The following HELQ variants were observed in gnomAD, a reference collection of about 807,000 sequenced individuals.
HELQ encodes helicase, POLQ like, also known as helicase POLQ-like.
Under a neutral mutation model 111.6 loss-of-function variants are expected in HELQ, and 77 were observed. The ratio of observed to expected loss-of-function variants is 0.69; its 90% CI spans 0.57 to 0.83. The LOEUF is 0.83. Ranked by LOEUF, HELQ falls within the 40% of genes least tolerant of loss-of-function variation. The probability of loss-of-function intolerance (pLI) is 0.00; values close to 1 mark genes in which losing one functional copy is unlikely to be tolerated. For synonymous variants in HELQ, 438 were observed against 454.7 expected (o/e 0.96, Z 0.47); for missense variants, 1,200 against 1,288.5 (o/e 0.93, Z 1.05).
intron 1 of HELQ, among the ~76,000 whole-genome samples, chr4:83,454,404 ATT>A (rs1721611978): frequency 6.6e-6 from 1 of 151,884 alleles, no homozygotes; most frequent in African/African-American, 2.4e-5. Flanking sequence ...TGATACTGAG[ATT>A]CTAATTTTTG....
chr4:83,451,653 G>A (rs1005556754), intron 2 of HELQ, among the ~76,000 whole-genome samples: 9 of 149,532 alleles, frequency 6.0e-5, no homozygotes, highest in Non-Finnish European at 8.8e-5. Context: ...CAACACGCGA[G>A]ACTCCGTCTC....
intron 15 of HELQ, 60 bp from the exon 16 acceptor site, chr4:83,418,266 T>G (rs1739467463): frequency 1.0e-6 from 1 of 966,700 alleles, no homozygotes; most frequent in South Asian, 1.6e-5. Context: ...AAAGTTTGGT[T>G]TGTGTGATAG....
rs775805040 is a variant in HELQ at position 83,455,723 on chromosome 4, C to T, written c.-30G>A. ...AGGACCCAGGGCCCTATTCAGACGT[C>T]GTTCTCAGTGACCCAGACGCTAAGC... On this transcript the variant is annotated 5_prime_UTR_variant, in exon 1 of 18. Coordinates refer to ENST00000295488, the MANE Select transcript of HELQ (RefSeq NM_133636.5). 3.9e-6 allele frequency: 6 copies of T among 1,554,090 alleles called. No homozygotes were observed. The Admixed American group carries it at 1.0e-4, about 27-fold the overall frequency.
intron 14 of HELQ, 35 bp downstream of exon 14, chr4:83,425,959 A>G: frequency 9.0e-7 from 1 of 1,113,014 alleles, no homozygotes; most frequent in Non-Finnish European, 1.4e-6. Context: ...TGTTGAGTGA[A>G]CTTATTATTT....
intron 13 of HELQ, 65 bp from the exon 14 acceptor site, chr4:83,426,157 ATT>A (rs1470651926): frequency 1.3e-6 from 1 of 775,670 alleles, no homozygotes. Flanking sequence ...CAAATCCAGT[ATT>A]TCTTTTGATA....
chr4:83,434,770 A>G (rs917708560), intron 9 of HELQ, among the ~76,000 whole-genome samples: 10 of 152,162 alleles, frequency 6.6e-5, no homozygotes, highest in African/African-American at 2.4e-4. Context: ...ATGGAAGGTA[A>G]AGTTGAAAAA....
At chr4:83,430,274 T>TA (rs141214516) in intron 11 of HELQ, among the ~76,000 whole-genome samples, 10,564 of 122,072 alleles carry the variant, frequency 0.087, 1,283 homozygotes, top group African/African-American at 0.28. Context: ...TAAAGTATAA[T>TA]AAAAAAAAAA....
intron 13 of HELQ, among the ~76,000 whole-genome samples, chr4:83,426,388 A>G (rs1719849820): frequency 6.6e-6 from 1 of 152,062 alleles, no homozygotes; most frequent in African/African-American, 2.4e-5. Flanking sequence ...TAATTGCATT[A>G]TATAGTGCTA....
In HELQ at chr4:83,437,032, T is replaced by C. The variant is rs376480242; in HGVS notation, c.1874A>G (p.Asn625Ser). ...EVIKNLKNIG[N>S]GNLCPVLKRT... ...CTTTAAAACAGGACACAGGTTGCCA[T>C]TGCCAATATTCTTCAAGTTCTTAAT... The change falls in exon 9 of 18, where the codon AAT (asparagine) becomes AGT (serine). Residue 625 changes from asparagine to serine, a missense_variant. Around this residue, in one of 3 missense-constraint regions of HELQ, gnomAD observed 585 missense variants for 665.3 expected, o/e 0.88. Coordinates refer to ENST00000295488, the MANE Select transcript of HELQ (RefSeq NM_133636.5). The C allele has an allele frequency of 2.5e-5, 41 of 1,614,032 alleles. No homozygotes were observed. The highest frequency in any genetic ancestry group is 1.6e-4 in the Middle Eastern group (1 of 6,062).
chr4:83,416,015 C>T (rs147465311), intron 17 of HELQ, among the ~76,000 whole-genome samples: 3,850 of 149,714 alleles, frequency 0.026, 162 homozygotes, highest in African/African-American at 0.09. Flanking sequence ...GGTATGATCT[C>T]GGCTCACTGC....
At chr4:83,445,438 A>G (rs1402759010) in intron 5 of HELQ, among the ~76,000 whole-genome samples, 2 of 152,184 alleles carry the variant, frequency 1.3e-5, no homozygotes, top group African/African-American at 2.4e-5. Flanking sequence ...TAATTTTTCC[A>G]TATATAAGGT....
chr4:83,438,837 C>G, intron 8 of HELQ, among the ~76,000 whole-genome samples: 1 of 151,324 alleles, frequency 6.6e-6, no homozygotes, highest in Admixed American at 6.6e-5. Flanking sequence ...AGTCCTTTGA[C>G]TGACTAAGCC....
In HELQ at chr4:83,416,876, T is replaced by C. The variant is rs756537183; in HGVS notation, c.3064-11A>G. On this transcript the variant is annotated splice_polypyrimidine_tract_variant and intron_variant, in intron 16 of 17. Coordinates refer to ENST00000295488, the MANE Select transcript of HELQ (RefSeq NM_133636.5). ...CTGTTTTGCTCGACCCTGAAAAGTG[T>C]TACAAAAATCAGTAGGATAATAGTT... The C allele has an allele frequency of 1.3e-6, 2 of 1,584,520 alleles. No homozygotes were observed. The highest frequency in any genetic ancestry group is 1.4e-5 in the African/African-American group (1 of 73,106).
intron 17 of HELQ, among the ~76,000 whole-genome samples, chr4:83,410,081 C>G (rs899907439): frequency 1.3e-5 from 2 of 151,936 alleles, no homozygotes; most frequent in South Asian, 4.1e-4. Flanking sequence ...TGAGACCAAG[C>G]CTCTACAACA....
Position 83,439,985 on chromosome 4 carries a change from C to G in HELQ, c.1686G>C (p.Met562Ile), listed in dbSNP as rs1720682175. ...CCAATGCTACCAAGTGATCAGGATC[C>G]ATCTTTTTTAGGGTATCAGAATACT... ...NYKYSDTLKK[M>I]DPDHLVALVT... Residue 562 changes from methionine to isoleucine, a missense_variant, in exon 8 of 18, where the codon ATG becomes ATC. Physicochemically the swap from Met to Ile is conservative, Grantham distance 10. Transcript: ENST00000295488. 6.2e-7 allele frequency: 1 copy of G among 1,611,630 alleles called. No homozygotes were observed. Among genetic ancestry groups the G allele is most frequent in the Non-Finnish European group, 8.5e-7 (1 of 1,178,982 alleles).
At chr4:83,454,649 A>C (rs1721638421) in intron 1 of HELQ, among the ~76,000 whole-genome samples, 1 of 151,588 alleles carries the variant, frequency 6.6e-6, no homozygotes, top group Non-Finnish European at 1.5e-5. Context: ...TTGAACGCGA[A>C]CTTCTGGGCT....
chr4:83,412,328 A>C (rs1739145665), intron 17 of HELQ, among the ~76,000 whole-genome samples: 1 of 152,212 alleles, frequency 6.6e-6, no homozygotes, highest in South Asian at 2.1e-4. Flanking sequence ...TTGATTTAGA[A>C]TACTGGATCT....
At chr4:83,416,636 T>C (rs1222889831) in intron 17 of HELQ, 95 bp downstream of exon 17, 1 of 1,182,990 alleles carries the variant, frequency 8.5e-7, no homozygotes, top group African/African-American at 1.5e-5. Flanking sequence ...AATAAACAGT[T>C]ATGCAATGTG....
Position 83,446,838 on chromosome 4 carries a change from G to A in HELQ, c.1389C>T (p.Asp463=), listed in dbSNP as rs755975215. 5.0e-6 allele frequency: 8 copies of A among 1,600,736 alleles called. No homozygotes were observed. Among genetic ancestry groups the A allele is most frequent in the South Asian group, 4.4e-5 (4 of 89,908 alleles). Residue 463 remains aspartate, a synonymous_variant, in exon 4 of 18, where the codon GAC becomes GAT. Coordinates refer to ENST00000295488, the MANE Select transcript of HELQ (RefSeq NM_133636.5). The part of the protein sequence containing the change: ...RIDSLGLVVV[D]ELHMIGEGSR... ...AATTACAAAAGTATTAACCAACCTC[G>A]TCTACAACAACCAGACCCAGACTGT...
Sources: allele counts gnomAD v4.1 joint callset (sites outside exome capture counted in the v4.1 genomes callset), GRCh38; gene constraint gnomAD v4.1.1; regional missense constraint gnomAD v4.1.1; transcripts MANE v1.5; gene names NCBI Gene and HGNC (gene_info 2026-07-23, HGNC 2026-07-21).